The following KIFAP3 variants were observed in gnomAD, a reference collection of about 807,000 sequenced individuals.
KIFAP3 encodes kinesin-associated protein 3.
KIFAP3 carries 68 observed loss-of-function variants against 106.5 expected under a neutral mutation model. The observed-to-expected ratio is 0.64, with a 90% CI of 0.53 to 0.78. The LOEUF is 0.78. Among genes scored for constraint, KIFAP3 ranks in the 30% least tolerant of loss-of-function variants. The pLI, the probability that KIFAP3 is intolerant of heterozygous loss-of-function variation, is 0.00. For missense variants in KIFAP3, 780 were observed against 941.8 expected, an observed-to-expected ratio of 0.83 and a Z score of 2.25; for synonymous variants, 320 against 311.5, an observed-to-expected ratio of 1.03 and a Z score of -0.29.
At chr1:170,069,087 T>G (rs1571769734) in intron 1 of KIFAP3, among the ~76,000 whole-genome samples, 1 of 151,140 alleles carries the variant, frequency 6.6e-6, no homozygotes, top group East Asian at 1.9e-4. Flanking sequence ...TACAAGAGAA[T>G]AATATGAACA....
chr1:169,950,872 T>C (rs1290118580), intron 19 of KIFAP3, among the ~76,000 whole-genome samples: 1 of 151,952 alleles, frequency 6.6e-6, no homozygotes, highest in Non-Finnish European at 1.5e-5. Context: ...TGCAGCAAAA[T>C]TATCATATTG....
chr1:170,048,576 T>C (rs747210689), intron 2 of KIFAP3, among the ~76,000 whole-genome samples: 5 of 151,894 alleles, frequency 3.3e-5, no homozygotes, highest in Admixed American at 6.6e-5. Flanking sequence ...AGCCTCAGTC[T>C]GCAGCTCCCA....
chr1:170,049,548 C>T (rs1322912708), intron 2 of KIFAP3, among the ~76,000 whole-genome samples: 4 of 152,182 alleles, frequency 2.6e-5, no homozygotes, highest in Admixed American at 2.6e-4. Context: ...TGGGAGAGAC[C>T]TCCCAACAGG....
chr1:170,023,298 T>C (rs1668946606), intron 9 of KIFAP3, among the ~76,000 whole-genome samples: 1 of 151,840 alleles, frequency 6.6e-6, no homozygotes, highest in Admixed American at 6.6e-5. Flanking sequence ...AAGTCTCAGG[T>C]TTTCAAAGGG....
chr1:170,039,870 A>C (rs938669832), intron 3 of KIFAP3, among the ~76,000 whole-genome samples: 2 of 152,166 alleles, frequency 1.3e-5, no homozygotes, highest in Non-Finnish European at 2.9e-5. Flanking sequence ...AGGTATCCAA[A>C]GGTGTTGAAC....
At chr1:170,070,334 A>G (rs1325739550) in intron 1 of KIFAP3, among the ~76,000 whole-genome samples, 1 of 152,134 alleles carries the variant, frequency 6.6e-6, no homozygotes, top group Non-Finnish European at 1.5e-5. Flanking sequence ...GGAACCCTAA[A>G]TAGCTGAAAC....
At chr1:170,001,394 G>GA (rs1667660984) in intron 10 of KIFAP3, among the ~76,000 whole-genome samples, 1 of 151,888 alleles carries the variant, frequency 6.6e-6, no homozygotes, top group Admixed American at 6.6e-5. Flanking sequence ...AGAATCTTAA[G>GA]AAAAAAGGCT....
At chr1:170,030,378 G>A (rs1268290956) in intron 8 of KIFAP3, among the ~76,000 whole-genome samples, 1 of 151,810 alleles carries the variant, frequency 6.6e-6, no homozygotes, top group Non-Finnish European at 1.5e-5. Context: ...TACATTCATG[G>A]TGAGAATATA....
At chr1:169,933,381 C>A (rs750799301) in intron 19 of KIFAP3, among the ~76,000 whole-genome samples, 1 of 151,964 alleles carries the variant, frequency 6.6e-6, no homozygotes, top group Admixed American at 6.6e-5. Context: ...TAAATCTCTA[C>A]TATTATAAGC....
At chr1:169,958,399 A>G (rs1389554764) in intron 18 of KIFAP3, among the ~76,000 whole-genome samples, 3 of 152,034 alleles carry the variant, frequency 2.0e-5, no homozygotes, top group Admixed American at 6.6e-5. Context: ...ACCTCTTTTT[A>G]TTTCTTAAAG....
chr1:170,047,194 C>G (rs1009006668), intron 2 of KIFAP3, among the ~76,000 whole-genome samples: 1 of 151,818 alleles, frequency 6.6e-6, no homozygotes, highest in African/African-American at 2.4e-5. Flanking sequence ...GAATCCATAC[C>G]ATCATAAATA....
chr1:170,021,446 T>TTTTC (rs1553198362), intron 9 of KIFAP3, among the ~76,000 whole-genome samples: 11 of 145,280 alleles, frequency 7.6e-5, no homozygotes, highest in African/African-American at 7.6e-5. Flanking sequence ...TTTTTTTTTT[T>TTTTC]TTTTTTTTTT....
upstream of KIFAP3, among the ~76,000 whole-genome samples, chr1:170,076,420 T>G (rs534041365): frequency 6.6e-6 from 1 of 152,100 alleles, no homozygotes; most frequent in Admixed American, 6.6e-5. Flanking sequence ...AAGATAAGAT[T>G]ATGTAAAAAG....
chr1:170,084,937 C>G (rs1672080008), intron 1 of KIFAP3: 1 of 152,118 alleles, frequency 6.6e-6, no homozygotes, highest in Non-Finnish European at 1.5e-5. Context: ...CAACGGAAAA[C>G]AGAGGGGTTA....
chr1:169,986,128 A>T (rs1666819139), intron 11 of KIFAP3, among the ~76,000 whole-genome samples: 1 of 151,818 alleles, frequency 6.6e-6, no homozygotes, highest in African/African-American at 2.4e-5. Flanking sequence ...CATGAATCCA[A>T]CACAGCGAAT....
In KIFAP3 at chr1:170,021,425, T is replaced by C. The variant is rs549356322; in HGVS notation, c.1020+2993A>G. Among the ~76,000 whole-genome samples the C allele has an allele frequency of 4.4e-4, 67 of 151,098 alleles. No individual in the cohort carries two copies. The South Asian group carries it at 0.014, about 31-fold the overall frequency. On this transcript the variant is annotated intron_variant, in intron 9 of 19. Transcript: ENST00000361580. Reference sequence around the variant, plus strand: ...TTAATAAAAAAAAACTTGGAGAGTTTGTTATTAAGTTTTTTTTTTTTTTTT... The same window carrying C: ...TTAATAAAAAAAAACTTGGAGAGTTCGTTATTAAGTTTTTTTTTTTTTTTT...
chr1:170,023,290 G>A (rs745633554), intron 9 of KIFAP3, among the ~76,000 whole-genome samples: 3 of 151,774 alleles, frequency 2.0e-5, no homozygotes, highest in Non-Finnish European at 4.4e-5. Context: ...TGATAAATAA[G>A]TCTCAGGTTT....
At chr1:169,947,300 A>G (rs1198192002) in intron 19 of KIFAP3, among the ~76,000 whole-genome samples, 1 of 152,030 alleles carries the variant, frequency 6.6e-6, no homozygotes, top group African/African-American at 2.4e-5. Context: ...AGATCAAATC[A>G]TATACCATGC....
rs144980505 is a variant in KIFAP3, at chr1:169,950,059, A to G, written c.2273+3952T>C. Among the ~76,000 whole-genome samples the G allele has an allele frequency of 2.0e-5, 3 of 152,162 alleles. No individual in the cohort carries two copies. The South Asian group carries it at 6.2e-4, about 31-fold the overall frequency. ...TTTAAGAAAAATACCAATTTCAACT[A>G]TTTAAATTCTTCTCTAAATCTGGCT... On this transcript the variant is annotated intron_variant, in intron 19 of 19. Coordinates refer to ENST00000361580, the MANE Select transcript of KIFAP3 (RefSeq NM_014970.4).
Sources: gnomAD v4.1 joint callset for allele counts (sites outside exome capture counted in the v4.1 genomes callset) on GRCh38, gnomAD v4.1.1 for gene constraint, MANE v1.5 for transcripts, NCBI Gene and HGNC (gene_info 2026-07-23, HGNC 2026-07-21) for gene names.